RBL1: variants seen among roughly 807,000 people sequenced by gnomAD.
RBL1 encodes the protein retinoblastoma-like protein 1.
A neutral mutation model predicts 123.0 loss-of-function variants in RBL1; 82 were observed. The observed-to-expected ratio is 0.67, with a 90% confidence interval of 0.56 to 0.80. RBL1 has a LOEUF of 0.80. RBL1 is among the 30% of genes least tolerant of loss of function. The pLI is 0.00. For synonymous variants in RBL1, 405 were observed against 441.3 expected (o/e 0.92, Z 1.03); for missense variants, 1,171 against 1,299.6 (o/e 0.90, Z 1.52).
chr20:37,031,575 A>G (rs1410786749), intron 16 of RBL1, among the ~76,000 whole-genome samples: 1 of 152,240 alleles, frequency 6.6e-6, no homozygotes. Context: ...AACGATGAGA[A>G]GAACTTGGAA....
intron 15 of RBL1, among the ~76,000 whole-genome samples, chr20:37,033,282 T>G (rs557335642): frequency 2.0e-5 from 3 of 149,398 alleles, no homozygotes; most frequent in Non-Finnish European, 4.4e-5. Context: ...GCCTCCCGGG[T>G]TCAATTCTCC....
chr20:37,087,787 C>T (rs1038163428), intron 2 of RBL1, among the ~76,000 whole-genome samples: 11 of 152,020 alleles, frequency 7.2e-5, no homozygotes, highest in African/African-American at 2.7e-4. Flanking sequence ...CCATAAAGAA[C>T]ATTATTGAAT....
At chr20:37,075,595 A>G (rs1432382473) in intron 2 of RBL1, among the ~76,000 whole-genome samples, 1 of 152,056 alleles carries the variant, frequency 6.6e-6, no homozygotes, top group East Asian at 1.9e-4. Flanking sequence ...AGCTGGGATT[A>G]TAGGCACATG....
At chr20:37,009,304 G>A (rs945654460) in intron 19 of RBL1, among the ~76,000 whole-genome samples, 3 of 150,896 alleles carry the variant, frequency 2.0e-5, no homozygotes, top group Admixed American at 6.6e-5. Flanking sequence ...GATTACAGGC[G>A]TGAGCCACTG....
Position 37,056,201 on chromosome 20 carries a change from C to G in RBL1, c.1308G>C (p.Glu436Asp). 6.2e-7 allele frequency: 1 copy of G among 1,611,294 alleles called. No individual in the cohort carries two copies. The highest frequency in any genetic ancestry group is 1.1e-5 in the South Asian group (1 of 90,844). The change falls in exon 10 of 22, where the codon GAG becomes GAC. Residue 436 changes from glutamate (E) to aspartate (D), a missense_variant. Glu to Asp is a conservative substitution (Grantham distance 45). Coordinates refer to ENST00000373664, the MANE Select transcript of RBL1 (RefSeq NM_002895.5). ...ATTGAGTATAGTGTTGACAGAAAGTCTCTCCTATTCCTTTTAGTATTTTCA... is the reference window on the plus strand; with the variant it reads ...ATTGAGTATAGTGTTGACAGAAAGTGTCTCCTATTCCTTTTAGTATTTTCA... ...NIMKILKGIG[E>D]TFCQHYTQST...
At chr20:37,056,348 CTTCTTT>C in intron 9 of RBL1, 90 bp from the exon 10 acceptor site, 1 of 950,476 alleles carries the variant, frequency 1.1e-6, no homozygotes, top group Non-Finnish European at 1.4e-6. Context: ...ATGCCTTCTT[CTTCTTT>C]TTTTTTTTTT....
At chr20:37,000,181 G>A (rs1219929207) in intron 21 of RBL1, among the ~76,000 whole-genome samples, 20 of 144,942 alleles carry the variant, frequency 1.4e-4, no homozygotes, top group African/African-American at 4.4e-4. Flanking sequence ...CCTGGCAACC[G>A]CCCCGTCTGA....
chr20:37,092,658 C>T lies in RBL1; in HGVS notation c.156+3115G>A, dbSNP rs7263281. On this transcript the variant is annotated intron_variant, in intron 1 of 21. Transcript: ENST00000373664. The stretch of plus-strand genomic sequence containing the variant: ...AACAGGTGTGAGCCACCATGCCCAG[C>T]CTATTTTATTTTGTGTAGAGATAGG... 4.4e-3 allele frequency among the ~76,000 whole-genome samples: 662 copies of T among 152,050 alleles called. 8 individuals carry two copies. The highest frequency in any genetic ancestry group is 0.015 in the African/African-American group (640 of 41,478).
At chr20:37,000,770 G>A (rs1252406231) in intron 21 of RBL1, among the ~76,000 whole-genome samples, 24 of 132,280 alleles carry the variant, frequency 1.8e-4, no homozygotes, top group Admixed American at 1.3e-3. Context: ...GGAGGGAGGC[G>A]GGGGGGTCAG....
intron 14 of RBL1, 76 bp downstream of exon 14, chr20:37,040,077 A>G: frequency 6.3e-7 from 1 of 1,581,526 alleles, no homozygotes; most frequent in East Asian, 2.2e-5. Context: ...CATACTCACA[A>G]GACTTAAAAT....
chr20:37,073,750 A>G (rs2065319136), intron 2 of RBL1, among the ~76,000 whole-genome samples: 1 of 145,448 alleles, frequency 6.9e-6, no homozygotes, highest in South Asian at 2.2e-4. Context: ...TGGGTGTGGC[A>G]GCATGTACCT....
intron 1 of RBL1, among the ~76,000 whole-genome samples, chr20:37,090,898 T>C (rs1040187719): frequency 6.6e-6 from 1 of 152,188 alleles, no homozygotes; most frequent in Non-Finnish European, 1.5e-5. Context: ...CACACGACTG[T>C]AGTAAGCACG....
At chr20:37,054,329 G>A (rs2064968456) in intron 11 of RBL1, among the ~76,000 whole-genome samples, 3 of 151,174 alleles carry the variant, frequency 2.0e-5, no homozygotes, top group South Asian at 4.2e-4. Flanking sequence ...CTAAAAATAC[G>A]AAAAAATTAG....
intron 9 of RBL1, among the ~76,000 whole-genome samples, chr20:37,060,210 A>AAATAAATAAATC (rs879674854): frequency 7.9e-5 from 12 of 151,222 alleles, no homozygotes; most frequent in Admixed American, 1.3e-4. Context: ...ATAAATAAAT[A>AAATAAATAAATC]AATCCATTTT....
chr20:37,086,055 C>T (rs2065540631), intron 2 of RBL1, among the ~76,000 whole-genome samples: 1 of 152,128 alleles, frequency 6.6e-6, no homozygotes. Flanking sequence ...AAGTGATTCT[C>T]CTGCCATGTA....
At chr20:37,052,434 C>T (rs1053858924) in intron 11 of RBL1, among the ~76,000 whole-genome samples, 3 of 150,478 alleles carry the variant, frequency 2.0e-5, no homozygotes, top group Admixed American at 6.6e-5. Flanking sequence ...CGGGCTCAAG[C>T]GATTCTCCTG....
intron 16 of RBL1, among the ~76,000 whole-genome samples, chr20:37,023,114 T>C (rs1275284021): frequency 1.3e-5 from 2 of 151,998 alleles, no homozygotes; most frequent in South Asian, 4.1e-4. Flanking sequence ...ATTATGAACA[T>C]ATAATTTTTC....
intron 21 of RBL1, among the ~76,000 whole-genome samples, chr20:37,002,284 G>A (rs2063997463): frequency 6.7e-6 from 1 of 148,558 alleles, no homozygotes; most frequent in Non-Finnish European, 1.5e-5. Context: ...CCCACCTTGG[G>A]CTCCCAAAAT....
chr20:37,067,360 T>C (rs981652365), intron 3 of RBL1, 63 bp from the exon 4 acceptor site: 12 of 1,208,680 alleles, frequency 9.9e-6, no homozygotes, highest in African/African-American at 3.1e-5. Context: ...TAAACTGAAA[T>C]AGTAAATGTA....
Sources: allele counts gnomAD v4.1 joint callset (sites outside exome capture counted in the v4.1 genomes callset), GRCh38; gene constraint gnomAD v4.1.1; transcripts MANE v1.5; gene names NCBI Gene and HGNC (gene_info 2026-07-23, HGNC 2026-07-21).